SNTG1: variants seen among roughly 807,000 people sequenced by gnomAD.
The protein encoded by SNTG1 is syntrophin gamma 1, also known as gamma-1-syntrophin.
SNTG1 carries 39 observed loss-of-function variants against 74.7 expected under a neutral mutation model. That is an observed-to-expected ratio of 0.52 (90% CI 0.40 to 0.68). The LOEUF is 0.68. Ranked by LOEUF, SNTG1 falls within the 30% of genes least tolerant of loss-of-function variation. The pLI is 0.00. For missense variants in SNTG1, 685 were observed against 609.5 expected (o/e 1.12, Z -1.30); for synonymous variants, 254 against 217.1 (o/e 1.17, Z -1.49).
chr8:50,320,133 T>C (rs1158873950), intron 2 of SNTG1, among the ~76,000 whole-genome samples: 6 of 152,140 alleles, frequency 3.9e-5, no homozygotes, highest in Non-Finnish European at 5.9e-5. Flanking sequence ...GTGAAGACAT[T>C]GGGTTCTGGA....
At chr8:50,518,916 A>G (rs1156235941) in intron 9 of SNTG1, among the ~76,000 whole-genome samples, 1 of 152,038 alleles carries the variant, frequency 6.6e-6, no homozygotes, top group Non-Finnish European at 1.5e-5. Flanking sequence ...ACTATTCCAA[A>G]CCATTGAAAA....
chr8:50,071,835 A>T (rs1218698571), intron 1 of SNTG1, among the ~76,000 whole-genome samples: 1 of 151,746 alleles, frequency 6.6e-6, no homozygotes, highest in Non-Finnish European at 1.5e-5. Context: ...AAAACCTAAG[A>T]TTAATTATGC....
At chr8:50,226,100 A>G (rs1392225629) in intron 2 of SNTG1, among the ~76,000 whole-genome samples, 3 of 152,334 alleles carry the variant, frequency 2.0e-5, no homozygotes, top group Non-Finnish European at 1.5e-5. Flanking sequence ...TATTTTCAAA[A>G]AGTTAAATTC....
chr8:50,607,004 C>A (rs2094817624), intron 13 of SNTG1, among the ~76,000 whole-genome samples: 1 of 151,766 alleles, frequency 6.6e-6, no homozygotes, highest in Admixed American at 6.6e-5. Flanking sequence ...AGAAATTTTT[C>A]AACTGTGTTT....
intron 1 of SNTG1, among the ~76,000 whole-genome samples, chr8:49,938,528 C>G (rs1384947186): frequency 1.4e-5 from 2 of 146,480 alleles, no homozygotes; most frequent in African/African-American, 5.1e-5. Flanking sequence ...CTTTGTCCCT[C>G]CCTATCTTAC....
At chr8:50,546,248 A>C (rs1275036422) in intron 11 of SNTG1, among the ~76,000 whole-genome samples, 1 of 152,104 alleles carries the variant, frequency 6.6e-6, no homozygotes. Flanking sequence ...AAAAGTTTGT[A>C]AGAAGAAACA....
chr8:50,066,833 T>C (rs1820938003), intron 1 of SNTG1, among the ~76,000 whole-genome samples: 1 of 152,208 alleles, frequency 6.6e-6, no homozygotes, highest in Admixed American at 6.5e-5. Context: ...AACTAGCTAG[T>C]CACCAGTGGT....
chr8:50,507,721 A>G (rs561911424), intron 9 of SNTG1, among the ~76,000 whole-genome samples: 116 of 152,088 alleles, frequency 7.6e-4, no homozygotes, highest in Non-Finnish European at 1.3e-3. Context: ...TTTAGGGTAC[A>G]TGTGCACAAC....
chr8:50,262,462 G>T (rs1158564728), intron 2 of SNTG1, among the ~76,000 whole-genome samples: 1 of 152,212 alleles, frequency 6.6e-6, no homozygotes, highest in Non-Finnish European at 1.5e-5. Context: ...CCAGGCTGGA[G>T]TGAAGTGGTG....
chr8:50,769,128 T>G (rs1030160406), intron 18 of SNTG1, among the ~76,000 whole-genome samples: 1 of 151,854 alleles, frequency 6.6e-6, no homozygotes, highest in Admixed American at 6.6e-5. Context: ...AGTGAATTTC[T>G]CTACCCGTTT....
Position 50,343,578 on chromosome 8 carries a change from A to G in SNTG1, c.-27-50634A>G, listed in dbSNP as rs561110910. On this transcript the variant is annotated intron_variant, in intron 2 of 18. Coordinates refer to ENST00000642720, the MANE Select transcript of SNTG1 (RefSeq NM_018967.5). ...ATTAATGATGTATTGGATTTTTAAT[A>G]AAGAAATGTAAATAGTGAACAAATA... 6.1e-4 allele frequency among the ~76,000 whole-genome samples: 93 copies of G among 152,314 alleles called. 2 individuals are homozygous for G. Among genetic ancestry groups the G allele is most frequent in the Admixed American group, 1.3e-4 (2 of 15,298 alleles).
rs528798380 is a variant in SNTG1 at position 50,459,980 on chromosome 8, G to A, written c.363+9251G>A. On this transcript the variant is annotated intron_variant, in intron 8 of 18. Transcript: ENST00000642720. ...GGTGCTGCAATGAACAAGTGAATGCGTGTGTCTTTTCTGTAAAATGATTTG... is the reference window on the plus strand; with the variant it reads ...GGTGCTGCAATGAACAAGTGAATGCATGTGTCTTTTCTGTAAAATGATTTG... Among the ~76,000 whole-genome samples, 8 of 152,304 alleles carry A rather than the reference G, an allele frequency of 5.3e-5. No individual in the cohort carries two copies. In the East Asian group the frequency reaches 5.8e-4, roughly 11 times the overall value.
At chr8:50,606,058 C>A (rs931365950) in intron 13 of SNTG1, among the ~76,000 whole-genome samples, 11 of 152,052 alleles carry the variant, frequency 7.2e-5, no homozygotes, top group African/African-American at 2.4e-5. Context: ...CATTGGTGTT[C>A]ATCATAGCTA....
intron 1 of SNTG1, among the ~76,000 whole-genome samples, chr8:49,991,328 G>T (rs770864165): frequency 6.6e-6 from 1 of 152,092 alleles, no homozygotes; most frequent in African/African-American, 2.4e-5. Flanking sequence ...TTGGAGCCCC[G>T]ATGCAAGGCT....
intron 15 of SNTG1, among the ~76,000 whole-genome samples, chr8:50,687,042 G>A (rs1347565252): frequency 1.3e-5 from 2 of 151,352 alleles, no homozygotes; most frequent in Non-Finnish European, 2.9e-5. Context: ...GGCTGAGGCA[G>A]GAGAATGGCG....
intron 13 of SNTG1, among the ~76,000 whole-genome samples, chr8:50,629,366 T>C (rs2094979974): frequency 6.6e-6 from 1 of 152,162 alleles, no homozygotes. Flanking sequence ...TAAGTTTACA[T>C]AGAGACTATG....
At chr8:50,372,440 G>A (rs779352145) in intron 2 of SNTG1, among the ~76,000 whole-genome samples, 2 of 151,742 alleles carry the variant, frequency 1.3e-5, no homozygotes, top group African/African-American at 2.4e-5. Context: ...TGTTACGCTA[G>A]TGTCTCTGTG....
chr8:50,048,853 A>G (rs564622490), intron 1 of SNTG1, among the ~76,000 whole-genome samples: 1 of 152,230 alleles, frequency 6.6e-6, no homozygotes, highest in South Asian at 2.1e-4. Context: ...AGTTTTGCCT[A>G]ATAGGACTGG....
chr8:50,186,618 T>C (rs570255686), intron 2 of SNTG1, among the ~76,000 whole-genome samples: 1 of 152,336 alleles, frequency 6.6e-6, no homozygotes, highest in South Asian at 2.1e-4. Flanking sequence ...ATGTCTCTAA[T>C]GATCAGTGAT....
Sources: allele counts gnomAD v4.1 joint callset (sites outside exome capture counted in the v4.1 genomes callset), GRCh38; gene constraint gnomAD v4.1.1; transcripts MANE v1.5; gene names NCBI Gene and HGNC (gene_info 2026-07-23, HGNC 2026-07-21).